Variants in WWOX observed in about 807,000 individuals in gnomAD.
WWOX encodes the protein WW domain-containing oxidoreductase.
A neutral mutation model predicts 46.2 loss-of-function variants in WWOX; 69 were observed. The observed-to-expected ratio is 1.49, with a 90% CI of 1.23 to 1.82. WWOX has a LOEUF of 1.82. WWOX is among the 40% of genes most tolerant of loss of function. The pLI is 0.00. For missense variants in WWOX, 919 were observed against 542.6 expected (o/e 1.69, Z -6.89); for synonymous variants, 359 against 202.6 (o/e 1.77, Z -6.56).
At chr16:78,776,824 T>A (rs1039538366) in intron 8 of WWOX, among the ~76,000 whole-genome samples, 1 of 151,962 alleles carries the variant, frequency 6.6e-6, no homozygotes, top group African/African-American at 2.4e-5. Flanking sequence ...CCACCACATA[T>A]AAAACCATCA....
chr16:78,231,635 T>C (rs542984310), intron 5 of WWOX, among the ~76,000 whole-genome samples: 2 of 152,334 alleles, frequency 1.3e-5, no homozygotes, highest in East Asian at 1.9e-4. Context: ...AGCTCGACTT[T>C]TGCATCATGA....
intron 8 of WWOX, among the ~76,000 whole-genome samples, chr16:78,848,941 T>C (rs1324233811): frequency 6.6e-6 from 1 of 152,208 alleles, no homozygotes; most frequent in Non-Finnish European, 1.5e-5. Flanking sequence ...GTTGTGATCA[T>C]ATTTCTATTT....
intron 8 of WWOX, among the ~76,000 whole-genome samples, chr16:78,742,242 T>C (rs2049246513): frequency 6.6e-6 from 1 of 152,168 alleles, no homozygotes; most frequent in Admixed American, 6.5e-5. Flanking sequence ...TTTTTACTGA[T>C]AATAGTCCAT....
intron 8 of WWOX, among the ~76,000 whole-genome samples, chr16:78,904,685 G>A (rs531025648): frequency 2.0e-5 from 3 of 152,240 alleles, no homozygotes; most frequent in East Asian, 1.9e-4. Context: ...AGGTTGGGGA[G>A]CAGGTAATTA....
chr16:78,919,543 G>A lies in WWOX; in HGVS notation c.1057-292065G>A, dbSNP rs548791839. On this transcript the variant is annotated intron_variant, in intron 8 of 8. Transcript: ENST00000566780. ...TGTTTTGTTTTTTTTTTTTTTGAGG[G>A]AGTCTTGCTCTGTCTGCCAGATGGA... Among the ~76,000 whole-genome samples the A allele has an allele frequency of 2.2e-5, 3 of 137,526 alleles. No homozygotes were observed. The East Asian group carries it at 6.4e-4, about 29-fold the overall frequency. The allele number at this position is 137,526 out of a possible 152,430, so 90.2% of individuals were successfully genotyped here.
At chr16:78,474,814 A>G (rs1346868963) in intron 8 of WWOX, among the ~76,000 whole-genome samples, 1 of 152,298 alleles carries the variant, frequency 6.6e-6, no homozygotes, top group East Asian at 1.9e-4. Context: ...GACATTTCTC[A>G]TTAATGGGCT....
At chr16:78,499,665 C>G (rs903971499) in intron 8 of WWOX, among the ~76,000 whole-genome samples, 2 of 152,210 alleles carry the variant, frequency 1.3e-5, no homozygotes, top group Non-Finnish European at 2.9e-5. Context: ...ACTCTCTTCC[C>G]TATTAGGCTT....
At chr16:78,705,274 T>C (rs762386803) in intron 8 of WWOX, among the ~76,000 whole-genome samples, 3 of 152,230 alleles carry the variant, frequency 2.0e-5, no homozygotes, top group Non-Finnish European at 4.4e-5. Context: ...ATTTATCAAA[T>C]GTTGTCCTGC....
intron 8 of WWOX, among the ~76,000 whole-genome samples, chr16:78,872,291 A>T (rs773367211): frequency 3.9e-5 from 6 of 152,226 alleles, no homozygotes; most frequent in South Asian, 2.1e-4. Context: ...CAGTTTTCTC[A>T]TAAGAAAGAT....
intron 8 of WWOX, among the ~76,000 whole-genome samples, chr16:78,672,842 AC>A (rs1812101301): frequency 6.6e-6 from 1 of 152,176 alleles, no homozygotes; most frequent in African/African-American, 2.4e-5. Context: ...ATGGATTTTC[AC>A]TAAAATAGAA....
chr16:78,609,506 C>G (rs986929603), intron 8 of WWOX, among the ~76,000 whole-genome samples: 3 of 151,384 alleles, frequency 2.0e-5, no homozygotes, highest in African/African-American at 7.3e-5. Context: ...GGTCAAGTCA[C>G]ATGCCTCTGA....
chr16:79,064,684 T>C (rs571041415), intron 8 of WWOX, among the ~76,000 whole-genome samples: 1 of 152,332 alleles, frequency 6.6e-6, no homozygotes, highest in South Asian at 2.1e-4. Context: ...AAATGAGAGA[T>C]GGTGACAGTA....
chr16:79,046,038 A>G (rs1476613928), intron 8 of WWOX, among the ~76,000 whole-genome samples: 5 of 151,854 alleles, frequency 3.3e-5, no homozygotes, highest in African/African-American at 1.2e-4. Context: ...CTGACCTCAG[A>G]TGATCTGTCT....
At chr16:78,470,813 G>C (rs1161698631) in intron 8 of WWOX, among the ~76,000 whole-genome samples, 4 of 151,936 alleles carry the variant, frequency 2.6e-5, no homozygotes, top group African/African-American at 7.3e-5. Context: ...ACAGTCATGA[G>C]TCACCATGCC....
chr16:78,614,418 C>T (rs1180426607), intron 8 of WWOX, among the ~76,000 whole-genome samples: 1 of 152,208 alleles, frequency 6.6e-6, no homozygotes, highest in Non-Finnish European at 1.5e-5. Context: ...TGCCTTTGAG[C>T]CGGGGCCCTG....
Position 78,841,557 on chromosome 16 carries a change from G to T in WWOX, c.1057-370051G>T, listed in dbSNP as rs145995470. ...ATTTTCAGAGTTGGTTTACCAATAT[G>T]ATGTCTGTATTAAAATATATGTAAT... is the stretch of plus-strand genomic sequence containing the variant. On this transcript the variant is annotated intron_variant, in intron 8 of 8. Transcript: ENST00000566780. Among the ~76,000 whole-genome samples, 64 of 152,312 alleles carry T rather than the reference G, an allele frequency of 4.2e-4. No homozygotes were observed. The East Asian group carries it at 9.6e-3, about 23-fold the overall frequency.
chr16:78,936,942 A>C (rs1048331228), intron 8 of WWOX, among the ~76,000 whole-genome samples: 1 of 152,178 alleles, frequency 6.6e-6, no homozygotes, highest in Non-Finnish European at 1.5e-5. Flanking sequence ...AAATCTTGTA[A>C]AGATGCTTTT....
chr16:78,360,999 G>GT (rs1384217017), intron 5 of WWOX, among the ~76,000 whole-genome samples: 6 of 151,950 alleles, frequency 3.9e-5, no homozygotes, highest in Non-Finnish European at 8.8e-5. Flanking sequence ...TTTTGCATTT[G>GT]TTTTATCAAG....
chr16:78,948,711 A>G (rs1197473279), intron 8 of WWOX, among the ~76,000 whole-genome samples: 1 of 152,108 alleles, frequency 6.6e-6, no homozygotes, highest in Non-Finnish European at 1.5e-5. Flanking sequence ...TGGTAGGCAG[A>G]ACTTTGGCCC....
Sources: gnomAD v4.1 joint callset for allele counts (sites outside exome capture counted in the v4.1 genomes callset) on GRCh38, gnomAD v4.1.1 for gene constraint, MANE v1.5 for transcripts, NCBI Gene and HGNC (gene_info 2026-07-23, HGNC 2026-07-21) for gene names.